The following HS1BP3 variants were observed in gnomAD, a reference collection of about 807,000 sequenced individuals.
The protein encoded by HS1BP3 is HCLS1 binding protein 3.
HS1BP3 carries 32 observed loss-of-function variants against 33.5 expected under a neutral mutation model. The ratio of observed to expected loss-of-function variants is 0.95; its 90% CI spans 0.72 to 1.28. HS1BP3 has a LOEUF of 1.28. HS1BP3 is among the 50% of genes most tolerant of loss of function. The pLI is 0.00. For missense variants in HS1BP3, 486 were observed against 502.3 expected (o/e 0.97, Z 0.31); for synonymous variants, 187 against 209.2 (o/e 0.89, Z 0.92).
At chr2:20,630,405 C>T (rs1157828342) in intron 4 of HS1BP3, among the ~76,000 whole-genome samples, 1 of 151,998 alleles carries the variant, frequency 6.6e-6, no homozygotes, top group African/African-American at 2.4e-5. Flanking sequence ...AATTGGGACA[C>T]AGGCACACAC....
chr2:20,565,865 G>A (rs888423285), intron 5 of HS1BP3, among the ~76,000 whole-genome samples: 1 of 152,246 alleles, frequency 6.6e-6, no homozygotes, highest in Non-Finnish European at 1.5e-5. Context: ...TGGATGTAGA[G>A]TCAGGGCTGG....
intron 6 of HS1BP3, chr2:20,622,107 C>G (rs1285255827): frequency 9.4e-7 from 1 of 1,060,920 alleles, no homozygotes; most frequent in Admixed American, 3.3e-5. Context: ...TCGACCCGCT[C>G]AGTGTACACC....
At chr2:20,587,777 A>G (rs1038184170), downstream of HS1BP3, among the ~76,000 whole-genome samples, 4 of 152,218 alleles carry the variant, frequency 2.6e-5, no homozygotes, top group Non-Finnish European at 5.9e-5. Context: ...ATAAATAAGT[A>G]AAAAGAATCA....
chr2:20,644,492 C>T (rs908348437), intron 2 of HS1BP3, among the ~76,000 whole-genome samples: 11 of 152,236 alleles, frequency 7.2e-5, no homozygotes, highest in African/African-American at 2.7e-4. Flanking sequence ...TATCCATCCA[C>T]AGGGCAGACA....
At chr2:20,579,326 A>T (rs1320683103) in intron 5 of HS1BP3, among the ~76,000 whole-genome samples, 2 of 152,384 alleles carry the variant, frequency 1.3e-5, no homozygotes, top group East Asian at 3.9e-4. Context: ...CAGAGCATCC[A>T]GCCTCCTGGC....
At chr2:20,616,525 G>C (rs745687), downstream of HS1BP3, among the ~76,000 whole-genome samples, 36,086 of 152,226 alleles carry the variant, frequency 0.24, 5,073 homozygotes, top group Non-Finnish European at 0.32. Flanking sequence ...CACTGTGGGA[G>C]AATAGGGGGT....
At chr2:20,565,057 TG>T (rs986856819) in intron 5 of HS1BP3, among the ~76,000 whole-genome samples, 1 of 152,114 alleles carries the variant, frequency 6.6e-6, no homozygotes, top group African/African-American at 2.4e-5. Flanking sequence ...GGCCTTAACC[TG>T]CCAAATGCTG....
downstream of HS1BP3, among the ~76,000 whole-genome samples, chr2:20,588,458 G>A (rs1487337749): frequency 3.3e-5 from 5 of 152,252 alleles, no homozygotes; most frequent in East Asian, 3.9e-4. Flanking sequence ...CTGGATTACG[G>A]GCACCAGCCA....
chr2:20,566,664 T>C (rs1192831378), intron 5 of HS1BP3, among the ~76,000 whole-genome samples: 1 of 151,456 alleles, frequency 6.6e-6, no homozygotes. Flanking sequence ...TGGAGTGCAA[T>C]GGCGCGATCT....
chr2:20,564,985 C>T (rs1693090977), intron 5 of HS1BP3, among the ~76,000 whole-genome samples: 2 of 152,182 alleles, frequency 1.3e-5, no homozygotes, highest in South Asian at 2.1e-4. Flanking sequence ...CAGGCTCTGC[C>T]CTGTTCTTTG....
intron 5 of HS1BP3, among the ~76,000 whole-genome samples, chr2:20,579,056 G>A (rs578155323): frequency 6.8e-4 from 104 of 152,328 alleles, no homozygotes; most frequent in Non-Finnish European, 1.3e-3. Context: ...ACTTCCTTCC[G>A]GTCTCAGGTC....
chr2:20,650,904 G>A, intron 1 of HS1BP3, 128 bp downstream of exon 1: 1 of 811,238 alleles, frequency 1.2e-6, no homozygotes, highest in Non-Finnish European at 1.7e-6. Context: ...GCCCGGATAA[G>A]CCACCGAGGG....
downstream of HS1BP3, among the ~76,000 whole-genome samples, chr2:20,556,560 G>T (rs892890256): frequency 6.6e-6 from 1 of 152,122 alleles, no homozygotes; most frequent in Non-Finnish European, 1.5e-5. Flanking sequence ...TCTATAGGTC[G>T]ATTTCAACAT....
intron 5 of HS1BP3, among the ~76,000 whole-genome samples, chr2:20,577,659 G>T (rs992367588): frequency 6.6e-6 from 1 of 152,180 alleles, no homozygotes. Flanking sequence ...AGCCTGGGAG[G>T]GAGAGAGGGT....
Position 20,647,316 on chromosome 2 carries a change from A to G in HS1BP3, c.33-1811T>C, listed in dbSNP as rs577691922. 3.9e-5 allele frequency among the ~76,000 whole-genome samples: 6 copies of G among 152,304 alleles called. No homozygotes were observed. In the East Asian group the frequency reaches 1.2e-3, roughly 29 times the overall value. ...TCCCCTGACTTCTTACCCAGAGCTG[A>G]GCTGGCCTGGTCAAAGCCCACTTCT... On this transcript the variant is annotated intron_variant, in intron 1 of 6. Coordinates refer to ENST00000304031, the MANE Select transcript of HS1BP3 (RefSeq NM_022460.4).
intron 1 of HS1BP3, 63 bp downstream of exon 1, chr2:20,650,969 C>T (rs1695676919): frequency 2.5e-5 from 30 of 1,217,732 alleles, no homozygotes; most frequent in Non-Finnish European, 3.1e-5. Flanking sequence ...CCTCCCCCCG[C>T]CTCTCCGCCC....
intron 3 of HS1BP3, 145 bp downstream of exon 3, chr2:20,640,828 G>A (rs1695316200): frequency 1.3e-6 from 1 of 754,226 alleles, no homozygotes; most frequent in Non-Finnish European, 2.3e-6. Context: ...AGCCAAGGAT[G>A]TCAGCGAGGC....
chr2:20,571,167 G>C (rs1477146200), intron 5 of HS1BP3, among the ~76,000 whole-genome samples: 2 of 152,180 alleles, frequency 1.3e-5, no homozygotes, highest in African/African-American at 4.8e-5. Context: ...AAAACTGAAG[G>C]CCCAAGTCTG....
At chr2:20,648,995 C>A (rs947375331) in intron 1 of HS1BP3, among the ~76,000 whole-genome samples, 9 of 152,228 alleles carry the variant, frequency 5.9e-5, no homozygotes, top group African/African-American at 2.2e-4. Context: ...ACATTTCTCA[C>A]CCTCACGGCC....
Sources: allele counts gnomAD v4.1 joint callset (sites outside exome capture counted in the v4.1 genomes callset), GRCh38; gene constraint gnomAD v4.1.1; transcripts MANE v1.5; gene names NCBI Gene and HGNC (gene_info 2026-07-23, HGNC 2026-07-21).